The following CIBAR1 variants were observed in gnomAD, a reference collection of about 807,000 sequenced individuals.
CIBAR1 encodes the protein CBY1-interacting BAR domain-containing protein 1.
Under a neutral mutation model 44.0 loss-of-function variants are expected in CIBAR1, and 25 were observed. That is an observed-to-expected ratio of 0.57 (90% CI 0.41 to 0.79). CIBAR1 has a LOEUF of 0.79. Ranked by LOEUF, CIBAR1 falls within the 30% of genes least tolerant of loss-of-function variation. CIBAR1 has a pLI of 0.00. For synonymous variants in CIBAR1, 115 were observed against 119.0 expected (o/e 0.97, Z 0.22); for missense variants, 278 against 344.8 (o/e 0.81, Z 1.53).
Position 93,704,989 on chromosome 8 carries a change from CCCAT to C in CIBAR1, c.413_416del (p.Pro138LeufsTer39). ...AGTTAGAAAGAACACGTCAGCGAAA[CCCAT>C]CTGATCGACATGTTATTGTATCCTT... On this transcript the variant is annotated frameshift_variant, in exon 4 of 9. Coordinates refer to ENST00000518322, the MANE Select transcript of CIBAR1 (RefSeq NM_145269.5). LOFTEE classifies it high-confidence loss of function. The C allele has an allele frequency of 6.2e-7, 1 of 1,612,314 alleles. No homozygotes were observed. Among genetic ancestry groups the C allele is most frequent in the South Asian group, 1.1e-5 (1 of 90,896 alleles).
At chr8:93,701,878 A>G in intron 2 of CIBAR1, 1 of 218,314 alleles carries the variant, frequency 4.6e-6, no homozygotes, top group Non-Finnish European at 9.2e-6. Context: ...TGGGTAAGAC[A>G]TCATTGCTGC....
chr8:93,703,732 A>G (rs1294168352), intron 3 of CIBAR1, 44 bp downstream of exon 3: 2 of 1,457,882 alleles, frequency 1.4e-6, no homozygotes, highest in East Asian at 2.5e-5. Flanking sequence ...TTACTCTGGC[A>G]AAGACTATGA....
rs1563647471 is a variant in CIBAR1 at position 93,718,672 on chromosome 8, T to A, written c.544-3T>A. The stretch of plus-strand genomic sequence containing the variant: ...TTAAATTCAATTCTTTGGTTTTTTT[T>A]AGACTATATTTTCTGAATTTATCAC... On this transcript the variant is annotated splice_polypyrimidine_tract_variant and splice_region_variant and intron_variant, in intron 6 of 8. Transcript: ENST00000518322. 5.3e-6 allele frequency: 8 copies of A among 1,502,382 alleles called. No individual in the cohort carries two copies. The highest frequency in any genetic ancestry group is 4.1e-5 in the Admixed American group (2 of 48,338). 93.1% of individuals were successfully genotyped at this position (1,502,382 alleles called of 1,614,324 possible). A position where few individuals can be genotyped will look rare whatever the true frequency, so the allele number is the denominator to read the frequency against.
At chr8:93,713,856 A>G (rs544218722) in intron 6 of CIBAR1, among the ~76,000 whole-genome samples, 2 of 152,304 alleles carry the variant, frequency 1.3e-5, no homozygotes, top group South Asian at 4.1e-4. Flanking sequence ...TCAATACCAC[A>G]CTGTCCTAAC....
intron 7 of CIBAR1, among the ~76,000 whole-genome samples, chr8:93,720,482 C>G (rs1489439254): frequency 6.6e-6 from 1 of 152,150 alleles, no homozygotes; most frequent in African/African-American, 2.4e-5. Context: ...ATTTATATTT[C>G]TCTATTTGTC....
intron 7 of CIBAR1, among the ~76,000 whole-genome samples, chr8:93,723,888 A>C (rs1811368611): frequency 6.6e-6 from 1 of 152,192 alleles, no homozygotes; most frequent in Non-Finnish European, 1.5e-5. Context: ...GCAAAGGCAT[A>C]GTATAACTTA....
chr8:93,728,385 C>A lies in CIBAR1; in HGVS notation c.*88C>A, dbSNP rs1415669888. The A allele has an allele frequency of 1.1e-5, 9 of 831,888 alleles. No homozygotes were observed. Among genetic ancestry groups the A allele is most frequent in the Non-Finnish European group, 1.6e-5 (9 of 552,678 alleles). 51.5% of individuals were successfully genotyped at this position (831,888 alleles called of 1,614,324 possible). On this transcript the variant is annotated 3_prime_UTR_variant, in exon 9 of 9. Transcript: ENST00000518322. ...TTATACTCACTTTGCTATGTTAAGC[C>A]TCAAAGTGAAGTCCAACTGGAAACA... is the stretch of plus-strand genomic sequence containing the variant.
At position 93,729,751 on chromosome 8, in the gene CIBAR1, CTA is replaced by C. The variant is rs1010787827; in HGVS notation, c.*1456_*1457del. The stretch of plus-strand genomic sequence containing the variant: ...AAATTCAAGACTATTATACAGGTAA[CTA>C]TGTAACCATGTAAGACTTAAGTACA... On this transcript the variant is annotated 3_prime_UTR_variant, in exon 9 of 9. Coordinates refer to ENST00000518322, the MANE Select transcript of CIBAR1 (RefSeq NM_145269.5). The C allele has an allele frequency of 6.6e-5, 10 of 152,124 alleles. No individual in the cohort carries two copies. The highest frequency in any genetic ancestry group is 2.4e-4 in the African/African-American group (10 of 41,436). 9.4% of individuals were successfully genotyped at this position (152,124 alleles called of 1,614,324 possible). A position where few individuals can be genotyped will look rare whatever the true frequency, so the allele number is the denominator to read the frequency against.
At chr8:93,709,195 A>G (rs2914946) in intron 5 of CIBAR1, among the ~76,000 whole-genome samples, 95,077 of 151,930 alleles carry the variant, frequency 0.63, 30,427 homozygotes, top group South Asian at 0.72. Flanking sequence ...CAGAAGAATC[A>G]CTTCAACCCA....
chr8:93,727,243 A>C, intron 8 of CIBAR1: 1 of 1,227,032 alleles, frequency 8.1e-7, no homozygotes, highest in Non-Finnish European at 1.1e-6. Context: ...TACAACTTTT[A>C]GGTAAATTTG....
At chr8:93,727,001 A>C (rs1811543180) in intron 8 of CIBAR1, 1 of 441,248 alleles carries the variant, frequency 2.3e-6, no homozygotes. Context: ...TTTCTTTAAG[A>C]TGTGGAGACT....
At chr8:93,721,763 C>A (rs1015353758) in intron 7 of CIBAR1, among the ~76,000 whole-genome samples, 8 of 151,902 alleles carry the variant, frequency 5.3e-5, no homozygotes, top group Non-Finnish European at 1.0e-4. Context: ...TTTAAATCTA[C>A]CAGGGAATTC....
intron 1 of CIBAR1, 46 bp from the exon 2 acceptor site, chr8:93,701,178 C>A: frequency 6.3e-7 from 1 of 1,576,008 alleles, no homozygotes. Flanking sequence ...GAAGCCTTCT[C>A]ATCTCTAACG....
chr8:93,712,655 A>C (rs1398496321), intron 6 of CIBAR1, among the ~76,000 whole-genome samples: 1 of 152,242 alleles, frequency 6.6e-6, no homozygotes, highest in Non-Finnish European at 1.5e-5. Flanking sequence ...GTGTTTGCCC[A>C]CCAGCAGTAT....
intron 6 of CIBAR1, among the ~76,000 whole-genome samples, chr8:93,718,068 A>G (rs937182257): frequency 9.2e-5 from 14 of 152,230 alleles, no homozygotes; most frequent in Non-Finnish European, 1.0e-4. Context: ...ATAACCTTGT[A>G]GCCTTAGAAT....
intron 6 of CIBAR1, among the ~76,000 whole-genome samples, chr8:93,718,452 G>T (rs1041362581): frequency 1.3e-5 from 2 of 152,156 alleles, no homozygotes; most frequent in Non-Finnish European, 2.9e-5. Context: ...AAATAAGAGG[G>T]AAGTGGATGG....
chr8:93,726,443 T>C lies in CIBAR1; in HGVS notation c.707T>C (p.Ile236Thr), dbSNP rs148804292. The C allele has an allele frequency of 6.2e-7, 1 of 1,613,716 alleles. No homozygotes were observed. The highest frequency in any genetic ancestry group is 1.1e-5 in the South Asian group (1 of 91,076). Reference protein sequence around the residue: ...YAPDYSSRLDIVRANSKSPLQ... With the variant: ...YAPDYSSRLDTVRANSKSPLQ... The stretch of plus-strand genomic sequence containing the variant: ...CCAGATTATTCATCTCGTTTAGATA[T>C]TGTAAGAGCAAATTCAAAGTCACCT... The change falls in exon 8 of 9, where the codon ATT (isoleucine) becomes ACT (threonine). Residue 236 changes from isoleucine to threonine, a missense_variant. By Grantham distance (89) the Ile-to-Thr change is moderately conservative. This residue lies in a region of CIBAR1 where 93 missense variants were observed against 108.9 expected (regional missense o/e 0.85). Coordinates refer to ENST00000518322, the MANE Select transcript of CIBAR1 (RefSeq NM_145269.5).
intron 4 of CIBAR1, chr8:93,707,258 C>A (rs1586262455): frequency 2.4e-6 from 1 of 423,666 alleles, no homozygotes; most frequent in South Asian, 1.7e-5. Context: ...ATTCTCTTTG[C>A]TAAAAATGGA....
At chr8:93,703,239 T>G (rs1362420812) in intron 2 of CIBAR1, among the ~76,000 whole-genome samples, 1 of 152,226 alleles carries the variant, frequency 6.6e-6, no homozygotes, top group Admixed American at 6.5e-5. Context: ...CTTTCAGCTT[T>G]GATTTTCTTT....
Sources: gnomAD v4.1 joint callset for allele counts (sites outside exome capture counted in the v4.1 genomes callset) on GRCh38, gnomAD v4.1.1 for gene constraint, gnomAD v4.1.1 regional missense constraint, MANE v1.5 for transcripts, NCBI Gene and HGNC (gene_info 2026-07-23, HGNC 2026-07-21) for gene names.